The following PRDM2 variants were observed in gnomAD, a reference collection of about 807,000 sequenced individuals.
PRDM2 encodes the protein PR/SET domain 2.
In PRDM2, 30 loss-of-function variants were observed where a neutral mutation model predicts 130.0. That is an observed-to-expected ratio of 0.23 (90% CI 0.17 to 0.31). PRDM2 has a LOEUF of 0.31. PRDM2 is among the 10% of genes least tolerant of loss of function. The pLI is 1.00. For synonymous variants in PRDM2, 871 were observed against 782.4 expected, an observed-to-expected ratio of 1.11 and a Z score of -1.89; for missense variants, 2,011 against 2,108.4, an observed-to-expected ratio of 0.95 and a Z score of 0.90.
intron 8 of PRDM2, among the ~76,000 whole-genome samples, chr1:13,796,660 G>A (rs1262150498): frequency 6.6e-6 from 1 of 152,192 alleles, no homozygotes; most frequent in Non-Finnish European, 1.5e-5. Context: ...GCTGAGGTGG[G>A]AGGATTGTTT....
rs560189008 is a variant in PRDM2 at position 13,816,574 on chromosome 1, C to T, written c.*23+4C>T. 1.7e-5 allele frequency: 28 copies of T among 1,613,714 alleles called. No homozygotes were observed. Among genetic ancestry groups the T allele is most frequent in the African/African-American group, 1.3e-4 (10 of 74,974 alleles). On this transcript the variant is annotated splice_donor_region_variant and intron_variant, in intron 9 of 9. Coordinates refer to ENST00000311066, the MANE Select transcript of PRDM2 (RefSeq NM_001393986.1). ...CACTCTGGCTGCTCCCTGACAGGTA[C>T]GAGGCAGGATGGAACAGCTTCTGGC...
intron 6 of PRDM2, among the ~76,000 whole-genome samples, chr1:13,765,000 CA>C (rs1220122138): frequency 6.6e-6 from 1 of 152,232 alleles, no homozygotes; most frequent in Non-Finnish European, 1.5e-5. Flanking sequence ...AAATGCATGG[CA>C]TGTTAACTTT....
At chr1:13,733,466 G>A (rs1569789749) in intron 4 of PRDM2, among the ~76,000 whole-genome samples, 1 of 152,166 alleles carries the variant, frequency 6.6e-6, no homozygotes, top group African/African-American at 2.4e-5. Flanking sequence ...CTCCTTCCCT[G>A]GGGGGCTCCA....
At chr1:13,700,875 C>T (rs542787513) in intron 1 of PRDM2, among the ~76,000 whole-genome samples, 1 of 152,142 alleles carries the variant, frequency 6.6e-6, no homozygotes, top group East Asian at 1.9e-4. Context: ...TGTGTGTGTG[C>T]GCACGCGCGC....
intron 1 of PRDM2, chr1:13,705,639 G>A (rs1642185311): frequency 6.6e-6 from 1 of 152,104 alleles, no homozygotes; most frequent in Admixed American, 6.6e-5. Context: ...TTCCACTTGA[G>A]ACTGAGGTAC....
At chr1:13,735,646 G>A (rs977681325) in intron 4 of PRDM2, among the ~76,000 whole-genome samples, 1 of 152,026 alleles carries the variant, frequency 6.6e-6, no homozygotes, top group African/African-American at 2.4e-5. Context: ...CCCCACACAT[G>A]CACTGCCTTC....
intron 4 of PRDM2, among the ~76,000 whole-genome samples, chr1:13,737,003 G>T (rs952153645): frequency 6.6e-6 from 1 of 152,198 alleles, no homozygotes; most frequent in Non-Finnish European, 1.5e-5. Context: ...ATCAGTCAGC[G>T]CTGCTATGAT....
intron 6 of PRDM2, among the ~76,000 whole-genome samples, chr1:13,753,203 G>A (rs182529790): frequency 3.3e-5 from 5 of 152,326 alleles, no homozygotes; most frequent in African/African-American, 9.6e-5. Flanking sequence ...AGAGAGAAGA[G>A]TTTATAGCGG....
chr1:13,781,584 T>C lies in PRDM2; in HGVS notation c.3789T>C (p.Asn1263=), dbSNP rs768737984. The change falls in exon 8 of 10, where the codon AAT becomes AAC. Residue 1263 remains asparagine (N), a synonymous_variant. Coordinates refer to ENST00000311066, the MANE Select transcript of PRDM2 (RefSeq NM_001393986.1). This position sits in a 1 kb window ranked among gnomAD's most constrained non-coding sequence, Gnocchi z 6.1. ...CTTCTAAAGAAGAAGAGGAGTTAAATGATTCCTCTGAAGAGCTTTACACGA... is the reference window on the plus strand; with the variant it reads ...CTTCTAAAGAAGAAGAGGAGTTAAACGATTCCTCTGAAGAGCTTTACACGA... ...LETSKEEEEL[N]DSSEELYTTI... is the part of the protein sequence containing the mutation. 2.5e-6 allele frequency: 4 copies of C among 1,612,904 alleles called. No individual in the cohort carries two copies. In the South Asian group the frequency reaches 4.4e-5, roughly 18 times the overall value.
At chr1:13,762,883 A>G (rs1644135239) in intron 6 of PRDM2, among the ~76,000 whole-genome samples, 1 of 152,200 alleles carries the variant, frequency 6.6e-6, no homozygotes, top group African/African-American at 2.4e-5. Context: ...AGCTGCAGGC[A>G]GGAGGTGGCT....
chr1:13,748,888 G>C (rs1643700805), intron 5 of PRDM2, among the ~76,000 whole-genome samples: 1 of 152,172 alleles, frequency 6.6e-6, no homozygotes, highest in South Asian at 2.1e-4. Context: ...GTGCTTGCGC[G>C]TGGTTCCTCC....
Position 13,780,175 on chromosome 1 carries a change from A to G in PRDM2, c.2380A>G (p.Thr794Ala). ...WSLSGRDERE[T>A]VSPPCFDEYK... ...TTTGTCTGGGAGAGATGAGAGAGAA[A>G]CTGTGAGCCCTCCATGCTTTGATGA... Residue 794 changes from threonine to alanine, a missense_variant, in exon 8 of 10, where the codon ACT (threonine) becomes GCT (alanine). Around this residue, in one of 5 missense-constraint regions of PRDM2, gnomAD observed 1,288 missense variants for 1,237.7 expected, o/e 1.04. Coordinates refer to ENST00000311066, the MANE Select transcript of PRDM2 (RefSeq NM_001393986.1). 2 of 1,600,374 alleles carry G rather than the reference A, an allele frequency of 1.2e-6. No homozygotes were observed. The highest frequency in any genetic ancestry group is 2.2e-5 in the East Asian group (1 of 44,730).
At chr1:13,735,028 TATC>T (rs370858721) in intron 4 of PRDM2, among the ~76,000 whole-genome samples, 6 of 152,218 alleles carry the variant, frequency 3.9e-5, no homozygotes, top group African/African-American at 1.4e-4. Flanking sequence ...AGAAATGGCT[TATC>T]ATCAGAATCT....
chr1:13,730,929 A>AG, intron 2 of PRDM2, 71 bp from the exon 3 acceptor site: 3 of 1,112,464 alleles, frequency 2.7e-6, no homozygotes, highest in South Asian at 1.5e-5. Flanking sequence ...TTATTGAACC[A>AG]GAAAAAAAAA....
intron 1 of PRDM2, among the ~76,000 whole-genome samples, chr1:13,712,409 G>A (rs947673366): frequency 3.9e-5 from 6 of 152,208 alleles, no homozygotes; most frequent in Admixed American, 6.5e-5. Context: ...AACATGAAAA[G>A]CAGATGGTAA....
At chr1:13,717,543 C>T in intron 2 of PRDM2, 1 of 579,622 alleles carries the variant, frequency 1.7e-6, no homozygotes, top group Non-Finnish European at 2.2e-6. Flanking sequence ...TGCCTTAATT[C>T]TTGTACAGTA....
chr1:13,779,786 C>G lies in PRDM2; in HGVS notation c.1991C>G (p.Ser664Cys), dbSNP rs776377821. ...TCTGACCCCATGGTCCCCTCTTGCT[C>G]TTTAAGTCTTCCTCTTAGCATATCA... Reference protein sequence around the residue: ...TDSDPMVPSCSLSLPLSISTT... With the variant: ...TDSDPMVPSCCLSLPLSISTT... Residue 664 changes from serine to cysteine, a missense_variant, in exon 8 of 10, where the codon TCT becomes TGT. By Grantham distance (112) the Ser-to-Cys change is moderately radical. This residue lies in a region of PRDM2 where 1,288 missense variants were observed against 1,237.7 expected (regional missense o/e 1.04). Transcript: ENST00000311066. This position sits in a 1 kb window ranked among gnomAD's most constrained non-coding sequence, Gnocchi z 4.9. 6.2e-7 allele frequency: 1 copy of G among 1,614,208 alleles called. No homozygotes were observed.
intron 8 of PRDM2, among the ~76,000 whole-genome samples, chr1:13,808,518 T>G (rs370735619): frequency 4.6e-5 from 7 of 151,352 alleles, no homozygotes; most frequent in African/African-American, 1.7e-4. Flanking sequence ...CCTTTCTTGA[T>G]GTCTAGGATT....
intron 5 of PRDM2, among the ~76,000 whole-genome samples, chr1:13,745,764 A>G (rs576899943): frequency 1.4e-4 from 22 of 152,298 alleles, no homozygotes; most frequent in African/African-American, 5.1e-4. Flanking sequence ...ACAAAAGCCC[A>G]TGTGGCTGTA....
Sources: allele counts gnomAD v4.1 joint callset (sites outside exome capture counted in the v4.1 genomes callset), GRCh38; gene constraint gnomAD v4.1.1; regional missense constraint gnomAD v4.1.1; non-coding constraint Gnocchi (gnomAD v3.1); transcripts MANE v1.5; gene names NCBI Gene and HGNC (gene_info 2026-07-23, HGNC 2026-07-21).